Variants in GPC5 observed in about 807,000 individuals in gnomAD.
The protein encoded by GPC5 is glypican-5.
Under a neutral mutation model 53.9 loss-of-function variants are expected in GPC5, and 47 were observed. The observed-to-expected ratio is 0.87, with a 90% CI of 0.69 to 1.11. The LOEUF (loss-of-function observed/expected upper bound fraction) is 1.11. Among genes scored for constraint, GPC5 ranks in the 50% most tolerant of loss-of-function variants. The pLI is 0.00. For synonymous variants in GPC5, 286 were observed against 263.3 expected, an observed-to-expected ratio of 1.09 and a Z score of -0.84; for missense variants, 748 against 713.1, an observed-to-expected ratio of 1.05 and a Z score of -0.56.
At chr13:92,809,158 TAAATTATTATG>T (rs1414278231) in intron 7 of GPC5, among the ~76,000 whole-genome samples, 1 of 152,152 alleles carries the variant, frequency 6.6e-6, no homozygotes, top group East Asian at 1.9e-4. Context: ...TACTCTCTAT[TAAATTATTATG>T]TATGAAAGAA....
intron 7 of GPC5, among the ~76,000 whole-genome samples, chr13:92,800,678 T>C (rs1438654950): frequency 1.3e-5 from 2 of 151,934 alleles, no homozygotes; most frequent in East Asian, 3.9e-4. Context: ...TATGATTATC[T>C]AGAAGGCTCA....
At position 92,862,180 on chromosome 13, in the gene GPC5, T is replaced by G. The variant is rs189072662; in HGVS notation, c.1562-4102T>G. 1.2e-3 allele frequency among the ~76,000 whole-genome samples: 183 copies of G among 152,334 alleles called. 1 individual carries two copies. The highest frequency in any genetic ancestry group is 4.3e-3 in the African/African-American group (179 of 41,576). On this transcript the variant is annotated intron_variant, in intron 7 of 7. Coordinates refer to ENST00000377067, the MANE Select transcript of GPC5 (RefSeq NM_004466.6). ...TTGAGTAAATTACTTCTTCTACACCTGTTCCAAATATTTAGAATAAGGGAA... is the reference window on the plus strand; with the variant it reads ...TTGAGTAAATTACTTCTTCTACACCGGTTCCAAATATTTAGAATAAGGGAA...
intron 7 of GPC5, among the ~76,000 whole-genome samples, chr13:92,749,767 C>A (rs1889334042): frequency 6.6e-6 from 1 of 152,082 alleles, no homozygotes; most frequent in Non-Finnish European, 1.5e-5. Flanking sequence ...AAGACATCTA[C>A]AGTTCATAGA....
chr13:92,190,804 C>T (rs559778350), intron 7 of GPC5, among the ~76,000 whole-genome samples: 1 of 151,972 alleles, frequency 6.6e-6, no homozygotes, highest in East Asian at 1.9e-4. Flanking sequence ...AGAAGAAAAA[C>T]AACAAAGAAC....
chr13:92,448,969 A>G (rs958607870), intron 7 of GPC5: 1 of 150,652 alleles, frequency 6.6e-6, no homozygotes, highest in Non-Finnish European at 1.5e-5. Flanking sequence ...AACTTGTAAG[A>G]ATCAAGATGG....
At chr13:91,571,937 A>ACATACG (rs1566516255) in intron 2 of GPC5, among the ~76,000 whole-genome samples, 27 of 133,974 alleles carry the variant, frequency 2.0e-4, no homozygotes, top group East Asian at 4.4e-4. Flanking sequence ...ATATACACAC[A>ACATACG]TGTATATACA....
chr13:91,590,036 TTA>T (rs1163559947), intron 2 of GPC5, among the ~76,000 whole-genome samples: 1 of 151,930 alleles, frequency 6.6e-6, no homozygotes, highest in Non-Finnish European at 1.5e-5. Flanking sequence ...TTTCTAGAAT[TTA>T]TATATCTTAT....
At chr13:92,424,426 T>C (rs1876731573) in intron 7 of GPC5, among the ~76,000 whole-genome samples, 1 of 152,054 alleles carries the variant, frequency 6.6e-6, no homozygotes, top group Non-Finnish European at 1.5e-5. Flanking sequence ...TGACAGACAA[T>C]ATTTATTTTT....
At chr13:92,000,386 C>CT in intron 6 of GPC5, among the ~76,000 whole-genome samples, 1 of 152,046 alleles carries the variant, frequency 6.6e-6, no homozygotes, top group East Asian at 1.9e-4. Flanking sequence ...ATTCTTAAAA[C>CT]TTTAGGTGAG....
intron 4 of GPC5, among the ~76,000 whole-genome samples, chr13:91,755,994 C>T (rs2037281759): frequency 6.7e-6 from 1 of 150,032 alleles, no homozygotes; most frequent in South Asian, 2.1e-4. Context: ...TTCCCAACTT[C>T]TTGCATGTGA....
chr13:92,839,067 C>T (rs1878328835), intron 7 of GPC5, among the ~76,000 whole-genome samples: 1 of 152,204 alleles, frequency 6.6e-6, no homozygotes, highest in Admixed American at 6.5e-5. Context: ...TGGCAAGTGC[C>T]ATTCAAATGA....
chr13:92,245,813 A>T (rs1254295941), intron 7 of GPC5, among the ~76,000 whole-genome samples: 3 of 152,162 alleles, frequency 2.0e-5, no homozygotes, highest in African/African-American at 7.2e-5. Flanking sequence ...TGCTTCAGTT[A>T]TATGTAGTCA....
intron 1 of GPC5, among the ~76,000 whole-genome samples, chr13:91,410,786 A>G (rs981935589): frequency 2.0e-5 from 3 of 152,174 alleles, no homozygotes; most frequent in African/African-American, 4.8e-5. Flanking sequence ...TTTGTAGTTC[A>G]TTCATATGGT....
At chr13:91,697,903 CTTTT>C (rs200034619) in intron 3 of GPC5, among the ~76,000 whole-genome samples, 13 of 139,200 alleles carry the variant, frequency 9.3e-5, no homozygotes, top group South Asian at 2.3e-4. Flanking sequence ...AAGATGTTTT[CTTTT>C]TTTTTTTTTT....
At chr13:91,777,615 C>A (rs946194972) in intron 5 of GPC5, among the ~76,000 whole-genome samples, 11 of 152,100 alleles carry the variant, frequency 7.2e-5, no homozygotes, top group African/African-American at 2.7e-4. Context: ...TCTTAAATTT[C>A]CGGGCTCTAT....
At chr13:92,444,743 C>T (rs867968253) in intron 7 of GPC5, among the ~76,000 whole-genome samples, 4 of 112,794 alleles carry the variant, frequency 3.5e-5, no homozygotes, top group Admixed American at 8.8e-5. Context: ...AAAAAAAAGT[C>T]TAAACTTAAG....
intron 7 of GPC5, among the ~76,000 whole-genome samples, chr13:92,354,005 G>A (rs568171009): frequency 1.8e-4 from 27 of 152,206 alleles, no homozygotes; most frequent in Admixed American, 7.2e-4. Flanking sequence ...TATGCCTAAT[G>A]TTCACAGGAA....
At chr13:92,196,630 T>G (rs562771048) in intron 7 of GPC5, among the ~76,000 whole-genome samples, 4 of 152,342 alleles carry the variant, frequency 2.6e-5, no homozygotes, top group South Asian at 2.1e-4. Context: ...CTATGGCCCC[T>G]CTGTTCACAA....
chr13:92,473,325 T>G (rs535082803), intron 7 of GPC5, among the ~76,000 whole-genome samples: 1 of 152,278 alleles, frequency 6.6e-6, no homozygotes. Context: ...GTTTTATTTA[T>G]ACTCGATCAC....
Sources: gnomAD v4.1 joint callset for allele counts (sites outside exome capture counted in the v4.1 genomes callset) on GRCh38, gnomAD v4.1.1 for gene constraint, MANE v1.5 for transcripts, NCBI Gene and HGNC (gene_info 2026-07-23, HGNC 2026-07-21) for gene names.